Variants in CHSY1 observed in about 807,000 individuals in gnomAD.
The protein encoded by CHSY1 is chondroitin sulfate synthase 1.
Under a neutral mutation model 59.8 loss-of-function variants are expected in CHSY1, and 13 were observed. That is an observed-to-expected ratio of 0.22 (90% CI 0.14 to 0.35). The LOEUF is 0.35. CHSY1 is among the 10% of genes least tolerant of loss of function. CHSY1 has a pLI of 1.00. For synonymous variants in CHSY1, 459 were observed against 401.2 expected (o/e 1.14, Z -1.72); for missense variants, 947 against 1,030.6 (o/e 0.92, Z 1.11).
chr15:101,194,358 A>G (rs1400398144), intron 2 of CHSY1, among the ~76,000 whole-genome samples: 1 of 152,228 alleles, frequency 6.6e-6, no homozygotes, highest in African/African-American at 2.4e-5. Flanking sequence ...ATGTGTACGC[A>G]CACATTTTAC....
intron 2 of CHSY1, among the ~76,000 whole-genome samples, chr15:101,220,580 A>G (rs998778810): frequency 6.6e-6 from 1 of 152,152 alleles, no homozygotes; most frequent in Non-Finnish European, 1.5e-5. Context: ...ATGCCTGCCA[A>G]CCAACCTCCC....
intron 1 of CHSY1, among the ~76,000 whole-genome samples, chr15:101,238,623 T>G (rs973338972): frequency 1.3e-4 from 20 of 152,234 alleles, no homozygotes; most frequent in Non-Finnish European, 2.5e-4. Context: ...ATTTCTGAGA[T>G]GTCAAAATCA....
intron 1 of CHSY1, among the ~76,000 whole-genome samples, chr15:101,243,420 A>C (rs2039021673): frequency 6.6e-6 from 1 of 152,200 alleles, no homozygotes; most frequent in Admixed American, 6.5e-5. Flanking sequence ...CAAACAATTA[A>C]ACCACCCTGA....
At chr15:101,208,137 G>T (rs1435354737) in intron 2 of CHSY1, among the ~76,000 whole-genome samples, 1 of 152,182 alleles carries the variant, frequency 6.6e-6, no homozygotes, top group African/African-American at 2.4e-5. Flanking sequence ...AACCCTTTGG[G>T]GTTGAAATGG....
In CHSY1 at chr15:101,178,471, C is replaced by T. The variant is rs2038228261; in HGVS notation, c.1326G>A (p.Met442Ile). 5.6e-6 allele frequency: 9 copies of T among 1,614,108 alleles called. No homozygotes were observed. Among genetic ancestry groups the T allele is most frequent in the Admixed American group, 1.7e-5 (1 of 60,012 alleles). ...IQYGYRRVNP[M>I]YGAEYILDLL... ...GGTCCAGGATGTACTCAGCCCCATA[C>T]ATGGGGTTCACCCGGCGGTAGCCGT... Residue 442 changes from methionine (M) to isoleucine (I), a missense_variant, in exon 3 of 3, where the codon ATG becomes ATA. Physicochemically the swap from Met to Ile is conservative, Grantham distance 10. Around this residue, in one of 4 missense-constraint regions of CHSY1, gnomAD observed 602 missense variants for 676.9 expected, o/e 0.89. Coordinates refer to ENST00000254190, the MANE Select transcript of CHSY1 (RefSeq NM_014918.5).
intron 2 of CHSY1, among the ~76,000 whole-genome samples, chr15:101,228,324 A>G (rs1392882423): frequency 2.0e-5 from 3 of 152,168 alleles, no homozygotes; most frequent in South Asian, 2.1e-4. Context: ...TCAAGAAATA[A>G]TAAGTGAAAA....
At chr15:101,216,616 A>G (rs1188495191) in intron 2 of CHSY1, among the ~76,000 whole-genome samples, 1 of 152,240 alleles carries the variant, frequency 6.6e-6, no homozygotes, top group Non-Finnish European at 1.5e-5. Flanking sequence ...AGGTGAAAGA[A>G]TCCAGTATGA....
intron 2 of CHSY1, among the ~76,000 whole-genome samples, chr15:101,183,215 C>A (rs2038304154): frequency 6.6e-6 from 1 of 151,636 alleles, no homozygotes. Context: ...GGAGGGAAAA[C>A]AACAATATAA....
intron 1 of CHSY1, among the ~76,000 whole-genome samples, chr15:101,247,756 C>T (rs1250702929): frequency 6.6e-6 from 1 of 152,032 alleles, no homozygotes; most frequent in Non-Finnish European, 1.5e-5. Flanking sequence ...CTTGGTGGCC[C>T]CCATCCATCC....
intron 2 of CHSY1, among the ~76,000 whole-genome samples, chr15:101,183,041 C>A (rs903891120): frequency 2.6e-5 from 4 of 151,912 alleles, no homozygotes; most frequent in Non-Finnish European, 4.4e-5. Context: ...ATGTGATAAA[C>A]ACGAAAATCA....
In CHSY1 at chr15:101,175,802, C is replaced by CT. The variant is rs35004007; in HGVS notation, c.*1585_*1586insA. The CT allele has an allele frequency of 0.68, 103,658 of 153,544 alleles. 36,225 individuals are homozygous for CT. The highest frequency in any genetic ancestry group is 0.88 in the East Asian group (4,572 of 5,204). 9.5% of individuals were successfully genotyped at this position (153,544 alleles called of 1,614,324 possible). On this transcript the variant is annotated 3_prime_UTR_variant, in exon 3 of 3. Coordinates refer to ENST00000254190, the MANE Select transcript of CHSY1 (RefSeq NM_014918.5). ...ACAGGAATAATGAGACAAAATGGTT[C>CT]GAAAAGTACAATAGAAAAATATTGT...
intron 1 of CHSY1, among the ~76,000 whole-genome samples, chr15:101,241,738 C>A (rs1024017401): frequency 2.0e-5 from 3 of 152,144 alleles, no homozygotes; most frequent in African/African-American, 7.2e-5. Context: ...TAAAAGGACT[C>A]ATGATAAAAT....
intron 2 of CHSY1, among the ~76,000 whole-genome samples, chr15:101,184,416 T>C (rs1198656210): frequency 6.6e-6 from 1 of 151,924 alleles, no homozygotes. Context: ...GGTCTCCTTC[T>C]GTCATCCAGG....
chr15:101,177,196 A>T lies in CHSY1; in HGVS notation c.*192T>A. The stretch of plus-strand genomic sequence containing the variant: ...TAAGCAGGTCTGCTACATAATGTTC[A>T]GCAAGAAGATGTGTTCAAAGGCAAA... On this transcript the variant is annotated 3_prime_UTR_variant, in exon 3 of 3. Transcript: ENST00000254190. The T allele has an allele frequency of 3.7e-6, 2 of 543,492 alleles. No homozygotes were observed. Among genetic ancestry groups the T allele is most frequent in the Non-Finnish European group, 6.4e-6 (2 of 313,008 alleles). The allele number at this position is 543,492 out of a possible 1,614,324, so 33.7% of individuals were successfully genotyped here. A position where few individuals can be genotyped will look rare whatever the true frequency, so the allele number is the denominator to read the frequency against.
chr15:101,242,614 C>G (rs776808742), intron 1 of CHSY1: 1 of 152,334 alleles, frequency 6.6e-6, no homozygotes, highest in Non-Finnish European at 1.5e-5. Context: ...GAGGGCACCA[C>G]TCTATGCTGC....
chr15:101,235,076 T>TCTTA lies in CHSY1; in HGVS notation c.816+2_816+5dup, dbSNP rs1242817308. On this transcript the variant is annotated splice_donor_region_variant and intron_variant, in intron 2 of 2. Transcript: ENST00000254190. ...TTTTTCCCATGGTAAAGAATTCTGT[T>TCTTA]CTTACCTCATAAGACCAGACACACT... is the stretch of plus-strand genomic sequence containing the variant. 1 of 1,613,294 alleles carries TCTTA rather than the reference T, an allele frequency of 6.2e-7. No individual in the cohort carries two copies. The highest frequency in any genetic ancestry group is 1.3e-5 in the African/African-American group (1 of 75,006).
At chr15:101,220,565 T>C (rs967658253) in intron 2 of CHSY1, among the ~76,000 whole-genome samples, 3 of 152,172 alleles carry the variant, frequency 2.0e-5, no homozygotes, top group African/African-American at 7.2e-5. Flanking sequence ...CGCAGATGTA[T>C]CAGCATGCCT....
intron 2 of CHSY1, among the ~76,000 whole-genome samples, chr15:101,192,325 A>G (rs896037939): frequency 1.3e-5 from 2 of 152,252 alleles, no homozygotes; most frequent in African/African-American, 4.8e-5. Context: ...CGTAAACATT[A>G]CAACAGAAGA....
At chr15:101,231,430 G>C (rs2038891421) in intron 2 of CHSY1, among the ~76,000 whole-genome samples, 1 of 152,212 alleles carries the variant, frequency 6.6e-6, no homozygotes, top group Non-Finnish European at 1.5e-5. Flanking sequence ...CGGAAGCCCA[G>C]GGGCCGGAGG....
Sources: allele counts gnomAD v4.1 joint callset (sites outside exome capture counted in the v4.1 genomes callset), GRCh38; gene constraint gnomAD v4.1.1; regional missense constraint gnomAD v4.1.1; transcripts MANE v1.5; gene names NCBI Gene and HGNC (gene_info 2026-07-23, HGNC 2026-07-21).